CELF2: variants seen among roughly 807,000 people sequenced by gnomAD.
CELF2 encodes CUG triplet repeat RNA-binding protein 2.
CELF2 carries 8 observed loss-of-function variants against 62.6 expected under a neutral mutation model. That is an observed-to-expected ratio of 0.13 (90% CI 0.07 to 0.23). The LOEUF (loss-of-function observed/expected upper bound fraction) is 0.23. Ranked by LOEUF, CELF2 falls within the 10% of genes least tolerant of loss-of-function variation. The probability of loss-of-function intolerance (pLI) is 1.00; values close to 1 mark genes in which losing one functional copy is unlikely to be tolerated. For missense variants in CELF2, 333 were observed against 671.0 expected, an observed-to-expected ratio of 0.50 and a Z score of 5.56; for synonymous variants, 258 against 250.0, an observed-to-expected ratio of 1.03 and a Z score of -0.30.
the CELF2 span, among the ~76,000 whole-genome samples, chr10:10,767,433 C>T: frequency 6.6e-6 from 1 of 152,074 alleles, no homozygotes; most frequent in Non-Finnish European, 1.5e-5. Flanking sequence ...TGCTCTCAGC[C>T]TAAGTCCCTC....
chr10:11,033,802 AC>A (rs1430376449), intron 1 of CELF2, among the ~76,000 whole-genome samples: 1 of 152,220 alleles, frequency 6.6e-6, no homozygotes, highest in Non-Finnish European at 1.5e-5. Context: ...TTACAGTTGT[AC>A]AGTCTGTACA....
At chr10:10,731,281 A>G in the CELF2 span, among the ~76,000 whole-genome samples, 2 of 151,318 alleles carry the variant, frequency 1.3e-5, no homozygotes, top group South Asian at 2.1e-4. Context: ...CACACCCTCA[A>G]AGTAATTTTA....
intron 8 of CELF2, among the ~76,000 whole-genome samples, chr10:11,281,495 C>A (rs1348761665): frequency 6.6e-6 from 1 of 152,172 alleles, no homozygotes; most frequent in South Asian, 2.1e-4. Context: ...TGTGGCGGCT[C>A]ACACTTGTAG....
chr10:11,123,316 T>C (rs2058108680), intron 1 of CELF2, among the ~76,000 whole-genome samples: 3 of 152,128 alleles, frequency 2.0e-5, no homozygotes, highest in Non-Finnish European at 4.4e-5. Flanking sequence ...CATGACACAA[T>C]CCTAGCTCAC....
At chr10:10,774,913 G>A in the CELF2 span, among the ~76,000 whole-genome samples, 1 of 150,012 alleles carries the variant, frequency 6.7e-6, no homozygotes, top group Non-Finnish European at 1.5e-5. Context: ...AAGTCTCTCT[G>A]TGTCACCCAG....
At chr10:10,495,611 G>T in the CELF2 span, among the ~76,000 whole-genome samples, 1 of 152,184 alleles carries the variant, frequency 6.6e-6, no homozygotes, top group South Asian at 2.1e-4. Flanking sequence ...AATGCCTCTT[G>T]CTTTCTCCCC....
At chr10:11,092,103 C>T (rs1372842833) in intron 1 of CELF2, among the ~76,000 whole-genome samples, 1 of 152,096 alleles carries the variant, frequency 6.6e-6, no homozygotes, top group Non-Finnish European at 1.5e-5. Context: ...GAGATAGATC[C>T]TTCTTCTGAG....
At chr10:10,513,372 C>T in the CELF2 span, among the ~76,000 whole-genome samples, 8 of 152,160 alleles carry the variant, frequency 5.3e-5, no homozygotes, top group Non-Finnish European at 4.4e-5. Context: ...CTGATATGAT[C>T]AGCTTACTAG....
At chr10:11,293,047 T>C (rs1398756324) in intron 9 of CELF2, among the ~76,000 whole-genome samples, 1 of 152,188 alleles carries the variant, frequency 6.6e-6, no homozygotes, top group Non-Finnish European at 1.5e-5. Flanking sequence ...GAGTGTGGCA[T>C]TCAGGGTCCA....
Position 10,851,715 on chromosome 10 carries a change from A to G in CELF2, c.53+52898A>G, listed in dbSNP as rs539456530. ...ATCCTCTCTGTGATAAATGAATTGT[A>G]TCCAGAATACGTACAAGGAACTCTC... On this transcript the variant is annotated intron_variant, in intron 1 of 13. Transcript: ENST00000636488. 7.2e-4 allele frequency among the ~76,000 whole-genome samples: 110 copies of G among 152,360 alleles called. 1 individual carries two copies. Among genetic ancestry groups the G allele is most frequent in the African/African-American group, 2.3e-3 (95 of 41,596 alleles).
In CELF2 at chr10:10,938,657, T is replaced by C. The variant is rs1432724476; in HGVS notation, c.89+18658T>C. ...TTTGTCTCCCAAGTGAGTTTGTAGGTTCACTGAATTTCCCCAAAGAAGATC... is the reference window on the plus strand; with the variant it reads ...TTTGTCTCCCAAGTGAGTTTGTAGGCTCACTGAATTTCCCCAAAGAAGATC... On this transcript the variant is annotated intron_variant, in intron 2 of 13. Transcript: ENST00000636488. This position sits in a 1 kb window ranked among gnomAD's most constrained non-coding sequence, Gnocchi z 4.2. Among the ~76,000 whole-genome samples, 3 of 152,092 alleles carry C rather than the reference T, an allele frequency of 2.0e-5. No individual in the cohort carries two copies. Among genetic ancestry groups the C allele is most frequent in the Non-Finnish European group, 4.4e-5 (3 of 68,026 alleles).
At chr10:11,277,745 A>C (rs1469454341) in intron 8 of CELF2, among the ~76,000 whole-genome samples, 1 of 152,262 alleles carries the variant, frequency 6.6e-6, no homozygotes, top group Non-Finnish European at 1.5e-5. Context: ...TAACAAATAC[A>C]GTAGAAAGCA....
rs1418115297 is a variant in CELF2 at position 11,262,310 on chromosome 10, A to G, written c.539-4288A>G. On this transcript the variant is annotated intron_variant, in intron 5 of 12. Coordinates refer to ENST00000633077, the MANE Select transcript of CELF2 (RefSeq NM_001326342.2). ...TACACAGTGCTTGGGAGGCTGATGC[A>G]GGAGGACCACTTGAGCCTGGGAGTT... 2.6e-4 allele frequency among the ~76,000 whole-genome samples: 40 copies of G among 152,194 alleles called. 1 individual carries two copies. The highest frequency in any genetic ancestry group is 2.6e-3 in the Admixed American group (40 of 15,278).
chr10:10,552,623 G>A, the CELF2 span, among the ~76,000 whole-genome samples: 1 of 152,114 alleles, frequency 6.6e-6, no homozygotes, highest in Non-Finnish European at 1.5e-5. Context: ...TGTGGGGGGC[G>A]GTGTGAAACA....
At chr10:11,025,399 G>A (rs190933717) in intron 1 of CELF2, among the ~76,000 whole-genome samples, 13 of 152,142 alleles carry the variant, frequency 8.5e-5, no homozygotes, top group Middle Eastern at 3.4e-3. Flanking sequence ...ACAGTTTCTC[G>A]TGTGCTGTCC....
chr10:10,929,815 C>T (rs1315667885), intron 2 of CELF2, among the ~76,000 whole-genome samples: 1 of 152,222 alleles, frequency 6.6e-6, no homozygotes, highest in Non-Finnish European at 1.5e-5. Context: ...ATCAAGCCAT[C>T]GGGCATATAA....
At chr10:10,565,740 C>T in the CELF2 span, among the ~76,000 whole-genome samples, 1 of 152,172 alleles carries the variant, frequency 6.6e-6, no homozygotes, top group Non-Finnish European at 1.5e-5. Flanking sequence ...ATGCAAATAT[C>T]TGTTACTTCA....
In CELF2 at chr10:11,236,448, A is replaced by T. The variant is rs563024119; in HGVS notation, c.355-12705A>T. ...TGCGTTGTGCAGGAAACACTCATCA[A>T]TTCTGTGGTTTGTTTAGAGGGTAGT... On this transcript the variant is annotated intron_variant, in intron 3 of 12. Coordinates refer to ENST00000633077, the MANE Select transcript of CELF2 (RefSeq NM_001326342.2). Among the ~76,000 whole-genome samples, 14 of 152,214 alleles carry T rather than the reference A, an allele frequency of 9.2e-5. 1 individual carries two copies. The highest frequency in any genetic ancestry group is 1.8e-4 in the Non-Finnish European group (12 of 68,038).
chr10:10,469,881 G>A, the CELF2 span, among the ~76,000 whole-genome samples: 1 of 151,722 alleles, frequency 6.6e-6, no homozygotes, highest in Non-Finnish European at 1.5e-5. Context: ...GGTCATTTAT[G>A]TTATTCAGAG....
Sources: gnomAD v4.1 joint callset for allele counts (sites outside exome capture counted in the v4.1 genomes callset) on GRCh38, gnomAD v4.1.1 for gene constraint, Gnocchi (gnomAD v3.1) non-coding constraint, MANE v1.5 for transcripts, NCBI Gene and HGNC (gene_info 2026-07-23, HGNC 2026-07-21) for gene names.